NMNAT3: variants seen among roughly 807,000 people sequenced by gnomAD.
The protein encoded by NMNAT3 is nicotinamide nucleotide adenylyltransferase 3, also known as nicotinamide/nicotinic acid mononucleotide adenylyltransferase 3.
Under a neutral mutation model 24.8 loss-of-function variants are expected in NMNAT3, and 21 were observed. That is an observed-to-expected ratio of 0.85 (90% CI 0.60 to 1.22). The LOEUF is 1.22. NMNAT3 is among the 50% of genes most tolerant of loss of function. The probability of loss-of-function intolerance (pLI) is 0.00; values close to 1 mark genes in which losing one functional copy is unlikely to be tolerated. For synonymous variants in NMNAT3, 136 were observed against 155.2 expected (o/e 0.88, Z 0.92); for missense variants, 387 against 436.6 (o/e 0.89, Z 1.01).
At chr3:139,563,318 C>T (rs1481024472) in intron 6 of NMNAT3, among the ~76,000 whole-genome samples, 1 of 152,162 alleles carries the variant, frequency 6.6e-6, no homozygotes. Flanking sequence ...TTTGGTCTTT[C>T]AAACAATTAG....
chr3:139,597,895 T>C (rs192228481), intron 3 of NMNAT3, among the ~76,000 whole-genome samples: 75 of 152,286 alleles, frequency 4.9e-4, no homozygotes, highest in African/African-American at 1.8e-3. Flanking sequence ...AACCTCAGAA[T>C]AGGAGAGGAG....
At chr3:139,567,289 A>C (rs1395282226) in intron 6 of NMNAT3, 1 of 151,974 alleles carries the variant, frequency 6.6e-6, no homozygotes, top group Non-Finnish European at 1.5e-5. Flanking sequence ...TAGATATACA[A>C]TCATGTCATC....
intron 3 of NMNAT3, among the ~76,000 whole-genome samples, chr3:139,592,990 G>T (rs1038070473): frequency 1.3e-5 from 2 of 152,054 alleles, no homozygotes; most frequent in African/African-American, 4.8e-5. Flanking sequence ...AAATGTAAAT[G>T]GACTAAATGC....
At chr3:139,595,528 T>G (rs1416790206) in intron 3 of NMNAT3, among the ~76,000 whole-genome samples, 3 of 152,074 alleles carry the variant, frequency 2.0e-5, no homozygotes, top group Non-Finnish European at 1.5e-5. Context: ...AAAGAAGAAA[T>G]CTGGAGGCAT....
At chr3:139,569,504 T>C (rs1204807153) in intron 6 of NMNAT3, 4 of 152,220 alleles carry the variant, frequency 2.6e-5, no homozygotes, top group African/African-American at 9.6e-5. Flanking sequence ...CCATGTTTAG[T>C]GCTTCCTTCA....
intron 4 of NMNAT3, among the ~76,000 whole-genome samples, chr3:139,582,710 G>A (rs1203553424): frequency 7.1e-6 from 1 of 141,154 alleles, no homozygotes; most frequent in African/African-American, 2.6e-5. Context: ...GTGTTACAAA[G>A]CCTGAAACTT....
intron 1 of NMNAT3, among the ~76,000 whole-genome samples, chr3:139,653,802 C>T (rs1465979893): frequency 6.6e-6 from 1 of 152,212 alleles, no homozygotes; most frequent in East Asian, 1.9e-4. Context: ...TCACTCACTG[C>T]TTGAGTCACA....
chr3:139,590,533 A>G (rs1394708852), intron 3 of NMNAT3, among the ~76,000 whole-genome samples: 1 of 152,218 alleles, frequency 6.6e-6, no homozygotes, highest in Non-Finnish European at 1.5e-5. Context: ...GGAGTCAAGT[A>G]CCAGAGAAAA....
At chr3:139,571,625 A>G (rs1938365271) in intron 6 of NMNAT3, 1 of 152,644 alleles carries the variant, frequency 6.6e-6, no homozygotes, top group Non-Finnish European at 1.5e-5. Flanking sequence ...TTAAGTTGGT[A>G]GCCCCTAGAA....
intron 6 of NMNAT3, among the ~76,000 whole-genome samples, chr3:139,565,243 C>G (rs1936996915): frequency 6.6e-6 from 1 of 152,168 alleles, no homozygotes; most frequent in African/African-American, 2.4e-5. Flanking sequence ...TTGTCCCAAT[C>G]TCTAATTATT....
At chr3:139,620,439 T>C (rs2055714492) in intron 3 of NMNAT3, among the ~76,000 whole-genome samples, 1 of 152,198 alleles carries the variant, frequency 6.6e-6, no homozygotes, top group Non-Finnish European at 1.5e-5. Context: ...ATACTCTTTT[T>C]GGTCTGACTT....
intron 3 of NMNAT3, among the ~76,000 whole-genome samples, chr3:139,599,931 A>C (rs1047477818): frequency 6.6e-6 from 1 of 152,212 alleles, no homozygotes; most frequent in Non-Finnish European, 1.5e-5. Flanking sequence ...CCATTACTCC[A>C]AAATGGAGCC....
At chr3:139,588,533 G>T (rs76184642) in intron 3 of NMNAT3, among the ~76,000 whole-genome samples, 2,450 of 152,232 alleles carry the variant, frequency 0.016, 71 homozygotes, top group African/African-American at 0.056. Flanking sequence ...ACCAAGCAGA[G>T]TCTTCTGCAT....
intron 6 of NMNAT3, among the ~76,000 whole-genome samples, chr3:139,562,511 A>G (rs970321499): frequency 2.0e-5 from 3 of 152,238 alleles, no homozygotes; most frequent in Non-Finnish European, 4.4e-5. Context: ...GGCCCCTGTC[A>G]GTCACCACAA....
intron 2 of NMNAT3, chr3:139,634,617 T>A (rs2056432336): frequency 6.6e-6 from 1 of 152,168 alleles, no homozygotes. Context: ...ATACCTTCCT[T>A]GTCGGTGTAA....
intron 3 of NMNAT3, among the ~76,000 whole-genome samples, chr3:139,588,834 G>T (rs928136449): frequency 1.3e-5 from 2 of 152,184 alleles, no homozygotes; most frequent in Admixed American, 1.3e-4. Context: ...ACATCTTTAA[G>T]ACAGAAGGAT....
At chr3:139,633,674 G>A (rs939428708) in intron 2 of NMNAT3, among the ~76,000 whole-genome samples, 1 of 152,154 alleles carries the variant, frequency 6.6e-6, no homozygotes, top group African/African-American at 2.4e-5. Flanking sequence ...AAGGCACAGC[G>A]CTGCGAAGGC....
chr3:139,567,876 C>A (rs1026510910), intron 6 of NMNAT3: 1 of 152,138 alleles, frequency 6.6e-6, no homozygotes, highest in Non-Finnish European at 1.5e-5. Flanking sequence ...AGGGAGGATT[C>A]CCTCTTTTTC....
intron 3 of NMNAT3, among the ~76,000 whole-genome samples, chr3:139,596,678 C>T (rs1421246281): frequency 6.6e-6 from 1 of 151,702 alleles, no homozygotes; most frequent in East Asian, 1.9e-4. Context: ...CTCAAGTTAA[C>T]AAATAAAGAA....
Sources: gnomAD v4.1 joint callset for allele counts (sites outside exome capture counted in the v4.1 genomes callset) on GRCh38, gnomAD v4.1.1 for gene constraint, MANE v1.5 for transcripts, NCBI Gene and HGNC (gene_info 2026-07-23, HGNC 2026-07-21) for gene names.